Variants in ITGB5 observed in about 807,000 individuals in gnomAD.
The protein encoded by ITGB5 is integrin beta-5.
A neutral mutation model predicts 84.8 loss-of-function variants in ITGB5; 38 were observed. The ratio of observed to expected loss-of-function variants is 0.45; its 90% CI spans 0.35 to 0.59. The LOEUF is 0.59. ITGB5 is among the 20% of genes least tolerant of loss of function. The pLI is 0.01. For synonymous variants in ITGB5, 393 were observed against 414.4 expected (o/e 0.95, Z 0.63); for missense variants, 905 against 1,034.5 (o/e 0.87, Z 1.72).
rs1396904854 is a variant in ITGB5 at position 124,887,296 on chromosome 3, G to C, written c.-296C>G. 1.3e-5 allele frequency: 2 copies of C among 153,520 alleles called. No homozygotes were observed. Among genetic ancestry groups the C allele is most frequent in the Non-Finnish European group, 2.9e-5 (2 of 69,102 alleles). 9.5% of individuals were successfully genotyped at this position (153,520 alleles called of 1,614,324 possible). ...TCCGGGTAGGGGAGGGGCTGGCTCC[G>C]CTCGGCGGCCGCGACTTGGGCTCCG... is the stretch of plus-strand genomic sequence containing the variant. On this transcript the variant is annotated 5_prime_UTR_variant, in exon 1 of 15. Coordinates refer to ENST00000296181, the MANE Select transcript of ITGB5 (RefSeq NM_002213.5).
At chr3:124,856,642 T>C (rs552317986) in intron 3 of ITGB5, among the ~76,000 whole-genome samples, 75 of 152,348 alleles carry the variant, frequency 4.9e-4, no homozygotes, top group African/African-American at 1.8e-3. Flanking sequence ...AATAATTTTA[T>C]GTTAAAGTGG....
rs559432728 is a variant in ITGB5 at position 124,812,963 on chromosome 3, G to T, written c.1129-3807C>A. On this transcript the variant is annotated intron_variant, in intron 8 of 14. Coordinates refer to ENST00000296181, the MANE Select transcript of ITGB5 (RefSeq NM_002213.5). Reference sequence around the variant, plus strand: ...CAACACCCACACTTAGTCATGTGTTGCATGACTCATGAAATCCAACACAAA... The same window carrying T: ...CAACACCCACACTTAGTCATGTGTTTCATGACTCATGAAATCCAACACAAA... Among the ~76,000 whole-genome samples, 4 of 152,290 alleles carry T rather than the reference G, an allele frequency of 2.6e-5. No homozygotes were observed. The East Asian group carries it at 7.7e-4, about 29-fold the overall frequency.
At chr3:124,884,035 G>C (rs4422355) in intron 1 of ITGB5, among the ~76,000 whole-genome samples, 66,164 of 151,832 alleles carry the variant, frequency 0.44, 14,707 homozygotes, top group East Asian at 0.67. Context: ...ACAGAGAGAG[G>C]CACTCAACCA....
chr3:124,772,334 C>T (rs1484378608), intron 11 of ITGB5, among the ~76,000 whole-genome samples: 1 of 152,240 alleles, frequency 6.6e-6, no homozygotes, highest in Non-Finnish European at 1.5e-5. Context: ...AGCCAGCTTT[C>T]AATTACCCAC....
rs781484791 is a variant in ITGB5, at chr3:124,766,256, T to TC, written c.2106dup (p.Lys703GlufsTer28). The TC allele has an allele frequency of 2.5e-6, 4 of 1,614,034 alleles. No individual in the cohort carries two copies. The highest frequency in any genetic ancestry group is 3.4e-6 in the Non-Finnish European group (4 of 1,179,970). On this transcript the variant is annotated frameshift_variant, in exon 13 of 15. Transcript: ENST00000296181. LOFTEE classifies it high-confidence loss of function. The stretch of plus-strand genomic sequence containing the variant: ...TCCCTGAGGACGGTCAGGTTGGACT[T>TC]CCCACTGGGGAGCTCCACATAGGTG...
rs548163723 is a variant in ITGB5, at chr3:124,803,488, T to C, written c.1263+5534A>G. 2.0e-5 allele frequency among the ~76,000 whole-genome samples: 3 copies of C among 152,274 alleles called. No individual in the cohort carries two copies. The East Asian group carries it at 5.8e-4, about 29-fold the overall frequency. On this transcript the variant is annotated intron_variant, in intron 9 of 14. Coordinates refer to ENST00000296181, the MANE Select transcript of ITGB5 (RefSeq NM_002213.5). The stretch of plus-strand genomic sequence containing the variant: ...TAAGGGGCACGTTGGACACGGCACA[T>C]TGGATGTCCCCATTCCATGCAAACA...
chr3:124,881,316 T>C (rs1164740272), intron 1 of ITGB5, among the ~76,000 whole-genome samples: 1 of 151,978 alleles, frequency 6.6e-6, no homozygotes, highest in Non-Finnish European at 1.5e-5. Context: ...CTAAGCCCAT[T>C]AAAATCCTGG....
chr3:124,896,156 AATG>A (rs1263719046), intron 1 of ITGB5, among the ~76,000 whole-genome samples: 2 of 152,218 alleles, frequency 1.3e-5, no homozygotes, highest in Non-Finnish European at 2.9e-5. Context: ...GGACTCTAAA[AATG>A]ATCACCTTTC....
At chr3:124,787,909 C>CTTTT (rs35730935) in intron 10 of ITGB5, among the ~76,000 whole-genome samples, 24,025 of 137,244 alleles carry the variant, frequency 0.18, 2,307 homozygotes, top group Admixed American at 0.26. Context: ...ACAGATAGCT[C>CTTTT]TTTTTTTTTT....
At chr3:124,895,384 C>T (rs1255799691) in intron 1 of ITGB5, among the ~76,000 whole-genome samples, 1 of 152,134 alleles carries the variant, frequency 6.6e-6, no homozygotes, top group Admixed American at 6.6e-5. Context: ...ACCACCACAC[C>T]AGACTAATTA....
At chr3:124,869,414 A>G (rs2065443039) in intron 2 of ITGB5, among the ~76,000 whole-genome samples, 2 of 152,120 alleles carry the variant, frequency 1.3e-5, no homozygotes, top group African/African-American at 4.8e-5. Flanking sequence ...CGTCTCTACT[A>G]AAAATACAAA....
chr3:124,835,214 T>C (rs1410924632), intron 5 of ITGB5, among the ~76,000 whole-genome samples: 1 of 152,104 alleles, frequency 6.6e-6, no homozygotes, highest in African/African-American at 2.4e-5. Context: ...TTCCCACCGC[T>C]CAACCCAGAA....
chr3:124,829,897 T>G, intron 5 of ITGB5, among the ~76,000 whole-genome samples: 1 of 152,172 alleles, frequency 6.6e-6, no homozygotes, highest in East Asian at 1.9e-4. Context: ...TTTCCTCCTC[T>G]CAGTTCCTTA....
intron 8 of ITGB5, among the ~76,000 whole-genome samples, chr3:124,810,934 TTC>T (rs2064491225): frequency 6.6e-6 from 1 of 151,916 alleles, no homozygotes; most frequent in Non-Finnish European, 1.5e-5. Flanking sequence ...CTTTCTTTCT[TTC>T]TCTTTTTTGC....
intron 5 of ITGB5, among the ~76,000 whole-genome samples, chr3:124,838,400 G>A (rs1162539886): frequency 6.6e-6 from 1 of 152,038 alleles, no homozygotes. Flanking sequence ...CAAAACAGAA[G>A]TATACTGTCC....
At chr3:124,794,324 T>C (rs2107511695) in intron 10 of ITGB5, among the ~76,000 whole-genome samples, 1 of 152,318 alleles carries the variant, frequency 6.6e-6, no homozygotes, top group East Asian at 1.9e-4. Context: ...CAGTGTAAAC[T>C]CCTGTGTTTA....
At chr3:124,835,844 C>T (rs561231594) in intron 5 of ITGB5, among the ~76,000 whole-genome samples, 7 of 152,314 alleles carry the variant, frequency 4.6e-5, no homozygotes, top group Admixed American at 1.3e-4. Flanking sequence ...GAAACCCTGA[C>T]AAAGTTGTGC....
chr3:124,875,673 A>T (rs1403259125), intron 1 of ITGB5, among the ~76,000 whole-genome samples: 1 of 152,148 alleles, frequency 6.6e-6, no homozygotes, highest in Non-Finnish European at 1.5e-5. Flanking sequence ...AAGAAAATGA[A>T]ATCAGTATGT....
chr3:124,869,847 T>C (rs905705681), intron 2 of ITGB5, among the ~76,000 whole-genome samples: 1 of 152,170 alleles, frequency 6.6e-6, no homozygotes, highest in Non-Finnish European at 1.5e-5. Context: ...GTCTGACTTG[T>C]GGAAGTACTA....
Sources: allele counts gnomAD v4.1 joint callset (sites outside exome capture counted in the v4.1 genomes callset), GRCh38; gene constraint gnomAD v4.1.1; transcripts MANE v1.5; gene names NCBI Gene and HGNC (gene_info 2026-07-23, HGNC 2026-07-21).